Variants in SNX29 observed in about 807,000 individuals in gnomAD.
The protein encoded by SNX29 is sorting nexin 29, also known as sorting nexin-29.
In SNX29, 78 loss-of-function variants were observed where a neutral mutation model predicts 102.1. The ratio of observed to expected loss-of-function variants is 0.76; its 90% CI spans 0.64 to 0.92. SNX29 has a LOEUF of 0.92. Ranked by LOEUF, SNX29 falls within the 40% of genes least tolerant of loss-of-function variation. The pLI is 0.00. For synonymous variants in SNX29, 580 were observed against 414.5 expected, an observed-to-expected ratio of 1.40 and a Z score of -4.85; for missense variants, 1,280 against 1,061.7, an observed-to-expected ratio of 1.21 and a Z score of -2.86.
chr16:12,476,664 C>A (rs1241689850), intron 18 of SNX29, among the ~76,000 whole-genome samples: 1 of 151,610 alleles, frequency 6.6e-6, no homozygotes, highest in East Asian at 1.9e-4. Context: ...GTTTCTCCAT[C>A]TCACTCCATC....
At chr16:12,239,030 T>TCATCTCACAACTTGAGTTTA (rs2078021254) in intron 14 of SNX29, among the ~76,000 whole-genome samples, 2 of 152,228 alleles carry the variant, frequency 1.3e-5, no homozygotes, top group South Asian at 4.1e-4. Context: ...CTCAGGAGTC[T>TCATCTCACAACTTGAGTTTA]CATCTCACAA....
intron 4 of SNX29, among the ~76,000 whole-genome samples, chr16:12,035,121 T>C (rs1290140107): frequency 6.6e-6 from 1 of 151,968 alleles, no homozygotes; most frequent in Admixed American, 6.6e-5. Flanking sequence ...TTTCAGAATG[T>C]AAATGACTCT....
intron 15 of SNX29, among the ~76,000 whole-genome samples, chr16:12,317,213 C>T (rs575926947): frequency 6.6e-6 from 1 of 152,332 alleles, no homozygotes; most frequent in East Asian, 1.9e-4. Flanking sequence ...AGTGCCCATG[C>T]ATGGGCCTGT....
At chr16:12,247,530 C>T (rs946910577) in intron 14 of SNX29, among the ~76,000 whole-genome samples, 6 of 152,120 alleles carry the variant, frequency 3.9e-5, no homozygotes, top group Admixed American at 6.5e-5. Flanking sequence ...TGACTTGTCA[C>T]GAGAAAGGAA....
At chr16:12,540,319 C>G (rs114703366) in intron 20 of SNX29, among the ~76,000 whole-genome samples, 6 of 152,088 alleles carry the variant, frequency 3.9e-5, no homozygotes, top group African/African-American at 1.4e-4. Context: ...CCTCTTGGGA[C>G]CACAGCTCTT....
chr16:12,232,339 C>A (rs2077794026), intron 14 of SNX29, among the ~76,000 whole-genome samples: 1 of 152,152 alleles, frequency 6.6e-6, no homozygotes, highest in Non-Finnish European at 1.5e-5. Flanking sequence ...CCAGCCTGAC[C>A]AACGTGGTGA....
At chr16:12,031,539 G>A (rs2057344456) in intron 4 of SNX29, among the ~76,000 whole-genome samples, 1 of 151,806 alleles carries the variant, frequency 6.6e-6, no homozygotes, top group Admixed American at 6.6e-5. Context: ...GGGCGTGGTG[G>A]CTCATGCCTG....
At chr16:12,558,819 G>A (rs1335682678) in intron 20 of SNX29, among the ~76,000 whole-genome samples, 1 of 152,168 alleles carries the variant, frequency 6.6e-6, no homozygotes, top group Non-Finnish European at 1.5e-5. Context: ...GCTCCCTAGG[G>A]GCAGGGCCAC....
chr16:11,992,721 G>A (rs997134968), intron 1 of SNX29, among the ~76,000 whole-genome samples: 1 of 152,160 alleles, frequency 6.6e-6, no homozygotes, highest in African/African-American at 2.4e-5. Context: ...AGAATTCCTC[G>A]CACACAGTGG....
At chr16:12,177,874 G>T (rs761913309) in intron 13 of SNX29, among the ~76,000 whole-genome samples, 3 of 152,130 alleles carry the variant, frequency 2.0e-5, no homozygotes, top group African/African-American at 4.8e-5. Context: ...AATTCCCCCT[G>T]CCCTCACGGA....
At chr16:12,531,251 C>T (rs1376605093) in intron 20 of SNX29, among the ~76,000 whole-genome samples, 3 of 152,212 alleles carry the variant, frequency 2.0e-5, no homozygotes, top group East Asian at 3.9e-4. Context: ...GGGCACTTGG[C>T]CCTATGGTCA....
chr16:11,992,810 T>C (rs2055905407), intron 1 of SNX29, among the ~76,000 whole-genome samples: 1 of 152,140 alleles, frequency 6.6e-6, no homozygotes, highest in South Asian at 2.1e-4. Context: ...ACCAGGGAAA[T>C]GTCTAGCATG....
intron 13 of SNX29, among the ~76,000 whole-genome samples, chr16:12,180,965 T>C (rs1817393925): frequency 6.6e-6 from 1 of 152,216 alleles, no homozygotes; most frequent in Admixed American, 6.5e-5. Context: ...TCTTCTCTAA[T>C]GTCTCGCTCC....
intron 3 of SNX29, among the ~76,000 whole-genome samples, chr16:12,005,437 C>T (rs189015012): frequency 3.0e-4 from 45 of 152,282 alleles, no homozygotes; most frequent in Non-Finnish European, 5.7e-4. Flanking sequence ...TTCAACAGGA[C>T]TCCCAGGTGA....
chr16:12,017,818 T>G (rs927404327), intron 3 of SNX29, among the ~76,000 whole-genome samples: 1 of 152,222 alleles, frequency 6.6e-6, no homozygotes, highest in Non-Finnish European at 1.5e-5. Flanking sequence ...AGCAGCCCAT[T>G]CTGCCCATCT....
intron 15 of SNX29, among the ~76,000 whole-genome samples, chr16:12,309,827 T>C (rs2080470883): frequency 6.6e-6 from 1 of 152,188 alleles, no homozygotes; most frequent in African/African-American, 2.4e-5. Flanking sequence ...GGCACCTGCG[T>C]AGGTGTCATG....
intron 18 of SNX29, among the ~76,000 whole-genome samples, chr16:12,467,573 C>T (rs2087113614): frequency 6.6e-6 from 1 of 152,218 alleles, no homozygotes; most frequent in African/African-American, 2.4e-5. Context: ...ACACTGCCTG[C>T]ATCCACTCTG....
chr16:12,158,564 G>A (rs1007148133), intron 13 of SNX29, among the ~76,000 whole-genome samples: 2 of 152,184 alleles, frequency 1.3e-5, no homozygotes, highest in Non-Finnish European at 2.9e-5. Flanking sequence ...ATATTTTGTG[G>A]TCCATTTGCC....
chr16:12,046,235 T>C, intron 5 of SNX29, 149 bp from the exon 6 acceptor site: 1 of 731,150 alleles, frequency 1.4e-6, no homozygotes, highest in Non-Finnish European at 2.4e-6. Context: ...AACCAGAAGC[T>C]GTAAACCAGC....
Sources: gnomAD v4.1 joint callset for allele counts (sites outside exome capture counted in the v4.1 genomes callset) on GRCh38, gnomAD v4.1.1 for gene constraint, MANE v1.5 for transcripts, NCBI Gene and HGNC (gene_info 2026-07-23, HGNC 2026-07-21) for gene names.